PPP2R2B: variants seen among roughly 807,000 people sequenced by gnomAD.
The protein encoded by PPP2R2B is protein phosphatase 2 regulatory subunit Bbeta, also known as serine/threonine-protein phosphatase 2A 55 kDa regulatory subunit B beta isoform.
Under a neutral mutation model 46.0 loss-of-function variants are expected in PPP2R2B, and 5 were observed. The ratio of observed to expected loss-of-function variants is 0.11; its 90% CI spans 0.06 to 0.23. The LOEUF is 0.23. PPP2R2B is among the 10% of genes least tolerant of loss of function. PPP2R2B has a pLI of 1.00. For missense variants in PPP2R2B, 367 were observed against 575.0 expected, an observed-to-expected ratio of 0.64 and a Z score of 3.70; for synonymous variants, 215 against 206.7, an observed-to-expected ratio of 1.04 and a Z score of -0.34.
chr5:146,967,463 C>T (rs1176735202), intron 1 of PPP2R2B, among the ~76,000 whole-genome samples: 3 of 152,158 alleles, frequency 2.0e-5, no homozygotes, highest in African/African-American at 7.2e-5. Context: ...TAAATGAGGA[C>T]ACTGAGGGAC....
chr5:146,745,387 C>T (rs1336782732), intron 2 of PPP2R2B, among the ~76,000 whole-genome samples: 1 of 151,534 alleles, frequency 6.6e-6, no homozygotes, highest in Admixed American at 6.6e-5. Flanking sequence ...AAAATGGGAT[C>T]TAAAGAAGAT....
At chr5:146,989,121 T>C (rs1753566937) in intron 1 of PPP2R2B, among the ~76,000 whole-genome samples, 1 of 151,914 alleles carries the variant, frequency 6.6e-6, no homozygotes, top group Non-Finnish European at 1.5e-5. Flanking sequence ...AAGTCTCCCA[T>C]CAAAGAAAAG....
intron 1 of PPP2R2B, among the ~76,000 whole-genome samples, chr5:146,934,761 CTTT>C (rs35055298): frequency 2.1e-5 from 3 of 144,832 alleles, no homozygotes; most frequent in Non-Finnish European, 3.1e-5. Flanking sequence ...AGACCAAACT[CTTT>C]TTTTTTTTGA....
intron 7 of PPP2R2B, among the ~76,000 whole-genome samples, chr5:146,632,238 G>A (rs1420218968): frequency 6.6e-6 from 1 of 152,174 alleles, no homozygotes; most frequent in East Asian, 1.9e-4. Flanking sequence ...GACACTGATG[G>A]AAGGCAGTGT....
chr5:146,847,831 G>C (rs917737325), intron 2 of PPP2R2B, among the ~76,000 whole-genome samples: 1 of 152,076 alleles, frequency 6.6e-6, no homozygotes, highest in African/African-American at 2.4e-5. Flanking sequence ...TCATTGATGG[G>C]GAACTAAAGC....
At chr5:147,019,345 T>C (rs1755152883) in intron 1 of PPP2R2B, among the ~76,000 whole-genome samples, 2 of 152,194 alleles carry the variant, frequency 1.3e-5, no homozygotes, top group Admixed American at 1.3e-4. Flanking sequence ...TCAGAATAAA[T>C]TGTTACTTGG....
chr5:146,992,253 AC>A (rs1477043944), intron 1 of PPP2R2B, among the ~76,000 whole-genome samples: 3 of 152,234 alleles, frequency 2.0e-5, no homozygotes, highest in African/African-American at 7.2e-5. Context: ...TGCCAAGAAT[AC>A]CCAATGGGAA....
chr5:146,744,587 G>A (rs1441403413), intron 2 of PPP2R2B, among the ~76,000 whole-genome samples: 1 of 152,148 alleles, frequency 6.6e-6, no homozygotes, highest in Non-Finnish European at 1.5e-5. Context: ...GAACCATCCT[G>A]TGTGCTCCAT....
chr5:147,023,133 T>G (rs1447401329), intron 1 of PPP2R2B, among the ~76,000 whole-genome samples: 6 of 152,148 alleles, frequency 3.9e-5, no homozygotes, highest in African/African-American at 1.4e-4. Context: ...TATACATATA[T>G]CATGTGTAGA....
intron 7 of PPP2R2B, among the ~76,000 whole-genome samples, chr5:146,620,033 C>A (rs902692770): frequency 5.3e-5 from 8 of 152,162 alleles, no homozygotes; most frequent in Non-Finnish European, 8.8e-5. Context: ...CTGCCGGGCA[C>A]CATCTAGGGT....
intron 1 of PPP2R2B, among the ~76,000 whole-genome samples, chr5:147,041,251 C>T (rs1340191847): frequency 3.3e-5 from 5 of 152,158 alleles, no homozygotes; most frequent in Admixed American, 3.3e-4. Flanking sequence ...ATGAGGACTG[C>T]CAAGGGCCAG....
chr5:146,751,104 A>G (rs1753529436), intron 2 of PPP2R2B: 3 of 152,256 alleles, frequency 2.0e-5, no homozygotes, highest in South Asian at 4.1e-4. Context: ...CCAAGCTGTA[A>G]GCACATTAGG....
chr5:146,909,441 C>A (rs1199508327), intron 1 of PPP2R2B, among the ~76,000 whole-genome samples: 1 of 152,136 alleles, frequency 6.6e-6, no homozygotes, highest in Non-Finnish European at 1.5e-5. Context: ...ATGTTACTAC[C>A]CTCTTAAGAG....
rs368610872 is a variant in PPP2R2B, at chr5:146,928,020, C to G, written c.79+127645G>C. Among the ~76,000 whole-genome samples, 289 of 152,146 alleles carry G rather than the reference C, an allele frequency of 1.9e-3. 1 individual carries two copies. The highest frequency in any genetic ancestry group is 6.7e-3 in the African/African-American group (280 of 41,536). On this transcript the variant is annotated intron_variant, in intron 1 of 8. Transcript: ENST00000336640. Reference sequence around the variant, plus strand: ...CTCCCAAAGTGCTGGGATTACAGGCCTGAGCCACCACACCTGACCACCTTC... The same window carrying G: ...CTCCCAAAGTGCTGGGATTACAGGCGTGAGCCACCACACCTGACCACCTTC...
intron 7 of PPP2R2B, among the ~76,000 whole-genome samples, chr5:146,636,487 G>T (rs967811858): frequency 6.6e-6 from 1 of 152,138 alleles, no homozygotes; most frequent in Non-Finnish European, 1.5e-5. Flanking sequence ...CCTCCCCCAG[G>T]GTCGCTGGTC....
At chr5:146,932,270 G>A (rs781211342) in intron 1 of PPP2R2B, among the ~76,000 whole-genome samples, 10 of 152,118 alleles carry the variant, frequency 6.6e-5, no homozygotes, top group Non-Finnish European at 1.3e-4. Flanking sequence ...TGGTTTGAAA[G>A]GATAATTTGA....
rs144297178 is a variant in PPP2R2B at position 146,667,332 on chromosome 5, G to GCACA, written c.448-16612_448-16609dup. Among the ~76,000 whole-genome samples the GCACA allele has an allele frequency of 3.0e-3, 95 of 32,026 alleles. 1 individual carries two copies. The highest frequency in any genetic ancestry group is 7.5e-3 in the African/African-American group (81 of 10,774). The allele number at this position is 32,026 out of a possible 152,430, so 21.0% of individuals were successfully genotyped here. ...AGACAGCAGGAATAGGCGTGCGCGC[G>GCACA]CACACACACACACACACACACACAC... On this transcript the variant is annotated intron_variant, in intron 5 of 9. Transcript: ENST00000394411.
chr5:146,764,829 T>G (rs963189655), intron 2 of PPP2R2B, among the ~76,000 whole-genome samples: 4 of 138,532 alleles, frequency 2.9e-5, no homozygotes, highest in African/African-American at 1.2e-4. Context: ...GAGAGAGAGA[T>G]ACACGCACAC....
chr5:146,613,805 ACCT>A (rs1772863173), intron 7 of PPP2R2B, among the ~76,000 whole-genome samples: 1 of 143,546 alleles, frequency 7.0e-6, no homozygotes, highest in Non-Finnish European at 1.5e-5. Context: ...GATAGGAAGG[ACCT>A]CTTCAAGGAG....
Sources: allele counts gnomAD v4.1 joint callset (sites outside exome capture counted in the v4.1 genomes callset), GRCh38; gene constraint gnomAD v4.1.1; transcripts MANE v1.5; gene names NCBI Gene and HGNC (gene_info 2026-07-23, HGNC 2026-07-21).